NRP1: variants seen among roughly 807,000 people sequenced by gnomAD.
The protein encoded by NRP1 is neuropilin 1, also known as neuropilin-1.
Under a neutral mutation model 106.7 loss-of-function variants are expected in NRP1, and 35 were observed. The ratio of observed to expected loss-of-function variants is 0.33; its 90% CI spans 0.25 to 0.43. The LOEUF (loss-of-function observed/expected upper bound fraction) is 0.43, where lower values mean the gene tolerates loss of function less well. Among genes scored for constraint, NRP1 ranks in the 20% least tolerant of loss-of-function variants. NRP1 has a pLI of 1.00. For synonymous variants in NRP1, 437 were observed against 417.9 expected, an observed-to-expected ratio of 1.05 and a Z score of -0.56; for missense variants, 1,024 against 1,170.4, an observed-to-expected ratio of 0.87 and a Z score of 1.83.
rs184771546 is a variant in NRP1, at chr10:33,324,618, A to G, written c.248+6090T>C. 2.9e-3 allele frequency among the ~76,000 whole-genome samples: 412 copies of G among 141,550 alleles called. 1 individual carries two copies. Among genetic ancestry groups the G allele is most frequent in the African/African-American group, 0.013 (400 of 31,600 alleles). 92.9% of individuals were successfully genotyped at this position (141,550 alleles called of 152,430 possible). ...TCCACTCCAAAGACTTTCACTGTCT[A>G]TGTTCAAGGATAGTACCCACAGGCT... On this transcript the variant is annotated intron_variant, in intron 2 of 16. Coordinates refer to ENST00000374867, the MANE Select transcript of NRP1 (RefSeq NM_003873.7).
At chr10:33,258,261 A>T (rs934898269) in intron 4 of NRP1, among the ~76,000 whole-genome samples, 2 of 152,106 alleles carry the variant, frequency 1.3e-5, no homozygotes, top group African/African-American at 4.8e-5. Flanking sequence ...AAAAGAAAAA[A>T]CCCCAAACCC....
At chr10:33,326,856 C>A (rs1847925747) in intron 2 of NRP1, among the ~76,000 whole-genome samples, 1 of 152,120 alleles carries the variant, frequency 6.6e-6, no homozygotes, top group Non-Finnish European at 1.5e-5. Flanking sequence ...CTGGGTCAGT[C>A]TTGGTGCTAT....
intron 14 of NRP1, 66 bp downstream of exon 14, chr10:33,186,151 C>T: frequency 6.6e-7 from 1 of 1,511,034 alleles, no homozygotes; most frequent in Non-Finnish European, 8.9e-7. Context: ...ATTTGCACAG[C>T]CTCCAACATA....
intron 12 of NRP1, 78 bp from the exon 13 acceptor site, chr10:33,192,496 G>T: frequency 6.7e-7 from 1 of 1,488,698 alleles, no homozygotes; most frequent in Non-Finnish European, 9.2e-7. Context: ...AAAGGCCCTT[G>T]GTTCACTCAT....
At chr10:33,221,977 G>T in intron 7 of NRP1, 114 bp from the exon 8 acceptor site, 1 of 1,131,532 alleles carries the variant, frequency 8.8e-7, no homozygotes, top group African/African-American at 1.5e-5. Context: ...TGTCGATCAA[G>T]GATGAGATGG....
intron 2 of NRP1, among the ~76,000 whole-genome samples, chr10:33,302,487 C>G (rs1845870502): frequency 6.6e-6 from 1 of 152,200 alleles, no homozygotes; most frequent in Non-Finnish European, 1.5e-5. Flanking sequence ...AAGAACTTCC[C>G]CTAAATTGCC....
intron 6 of NRP1, among the ~76,000 whole-genome samples, chr10:33,239,454 C>T (rs1159738009): frequency 2.0e-5 from 3 of 152,208 alleles, no homozygotes; most frequent in Non-Finnish European, 4.4e-5. Flanking sequence ...AACTGCCTGT[C>T]ATTAAAGTCA....
intron 8 of NRP1, 145 bp from the exon 9 acceptor site, chr10:33,213,862 T>C: frequency 4.3e-6 from 3 of 700,418 alleles, no homozygotes; most frequent in Non-Finnish European, 6.9e-6. Context: ...TTACAGTAAA[T>C]CTTTCCTCCC....
chr10:33,319,707 C>T (rs966507851), intron 2 of NRP1, among the ~76,000 whole-genome samples: 2 of 151,438 alleles, frequency 1.3e-5, no homozygotes, highest in African/African-American at 4.9e-5. Context: ...CTGGCTCAGC[C>T]TCCCAAGTAG....
At chr10:33,315,963 C>CA (rs1346155746) in intron 2 of NRP1, among the ~76,000 whole-genome samples, 1 of 152,158 alleles carries the variant, frequency 6.6e-6, no homozygotes, top group African/African-American at 2.4e-5. Context: ...ATAAGGGAGC[C>CA]ACAGGGGATA....
intron 2 of NRP1, among the ~76,000 whole-genome samples, chr10:33,327,594 G>A (rs1470580593): frequency 6.6e-6 from 1 of 151,934 alleles, no homozygotes; most frequent in Admixed American, 6.6e-5. Context: ...AACTATGTTT[G>A]TAGGAATCTA....
At chr10:33,325,699 A>G (rs1467931607) in intron 2 of NRP1, among the ~76,000 whole-genome samples, 1 of 152,238 alleles carries the variant, frequency 6.6e-6, no homozygotes, top group Non-Finnish European at 1.5e-5. Context: ...AATTATCCCA[A>G]CAAAATTCTG....
chr10:33,283,114 T>G (rs988546222), intron 2 of NRP1, among the ~76,000 whole-genome samples: 1 of 152,172 alleles, frequency 6.6e-6, no homozygotes, highest in Non-Finnish European at 1.5e-5. Flanking sequence ...ACCCTTCCAG[T>G]TTCCTTGAAG....
At chr10:33,238,286 TG>T (rs1840737950) in intron 6 of NRP1, among the ~76,000 whole-genome samples, 1 of 152,194 alleles carries the variant, frequency 6.6e-6, no homozygotes, top group African/African-American at 2.4e-5. Flanking sequence ...ACAGAAACTG[TG>T]GATGCTTTCT....
At chr10:33,272,512 G>A (rs1025260967) in intron 2 of NRP1, among the ~76,000 whole-genome samples, 1 of 152,050 alleles carries the variant, frequency 6.6e-6, no homozygotes, top group East Asian at 1.9e-4. Context: ...GAAAGAGGAG[G>A]AGGAGGGGAG....
chr10:33,326,781 A>G (rs1035130031), intron 2 of NRP1, among the ~76,000 whole-genome samples: 3 of 152,128 alleles, frequency 2.0e-5, no homozygotes, highest in Admixed American at 1.3e-4. Context: ...CGAAGTATCC[A>G]CCTTTGACAG....
chr10:33,223,460 TAA>T (rs34865522), intron 7 of NRP1, among the ~76,000 whole-genome samples: 21 of 142,496 alleles, frequency 1.5e-4, no homozygotes, highest in Non-Finnish European at 1.8e-4. Context: ...ATCTCTCCAT[TAA>T]AAAAAAAAAA....
At position 33,333,232 on chromosome 10, in the gene NRP1, ATT is replaced by A. The variant is rs5784335; in HGVS notation, c.73+1076_73+1077del. Among the ~76,000 whole-genome samples the A allele has an allele frequency of 2.6e-3, 389 of 151,140 alleles. 2 individuals carry two copies. Among genetic ancestry groups the A allele is most frequent in the South Asian group, 0.013 (60 of 4,782 alleles). ...TAATAAGCTGAATTCCATGTTCATAATTTTTTTTTTTGCATGTGTTTTGCTTT... is the reference window on the plus strand; with the variant it reads ...TAATAAGCTGAATTCCATGTTCATAATTTTTTTTTGCATGTGTTTTGCTTT... On this transcript the variant is annotated intron_variant, in intron 1 of 16. Transcript: ENST00000374867.
intron 2 of NRP1, among the ~76,000 whole-genome samples, chr10:33,329,836 A>T (rs139858086): frequency 7.9e-5 from 12 of 152,224 alleles, no homozygotes; most frequent in Admixed American, 6.5e-5. Flanking sequence ...GAGACGAGCA[A>T]ACATGTATCT....
Sources: gnomAD v4.1 joint callset for allele counts (sites outside exome capture counted in the v4.1 genomes callset) on GRCh38, gnomAD v4.1.1 for gene constraint, MANE v1.5 for transcripts, NCBI Gene and HGNC (gene_info 2026-07-23, HGNC 2026-07-21) for gene names.